LARP4B: variants seen among roughly 807,000 people sequenced by gnomAD.
LARP4B encodes the protein la-related protein 4B.
In LARP4B, 12 loss-of-function variants were observed where a neutral mutation model predicts 89.8. That is an observed-to-expected ratio of 0.13 (90% confidence interval 0.09 to 0.22). The LOEUF (loss-of-function observed/expected upper bound fraction) is 0.22, where lower values mean the gene tolerates loss of function less well. Among genes scored for constraint, LARP4B ranks in the 10% least tolerant of loss-of-function variants. LARP4B has a pLI of 1.00. For synonymous variants in LARP4B, 367 were observed against 363.3 expected (o/e 1.01, Z -0.12); for missense variants, 757 against 947.7 (o/e 0.80, Z 2.64).
Position 829,422 on chromosome 10 carries a change from G to T in LARP4B, c.1088C>A (p.Thr363Lys). 1.2e-6 allele frequency: 2 copies of T among 1,613,472 alleles called. No individual in the cohort carries two copies. Among genetic ancestry groups the T allele is most frequent in the Non-Finnish European group, 1.7e-6 (2 of 1,179,686 alleles). The change falls in exon 11 of 18, where the codon ACG (threonine) becomes AAG (lysine). Residue 363 changes from threonine to lysine, a missense_variant. Around this residue, in one of 5 missense-constraint regions of LARP4B, gnomAD observed 137 missense variants for 213.9 expected, o/e 0.64. Transcript: ENST00000316157. Reference protein sequence around the residue: ...FPLYSLITPQTWSATHSYLDP... With the variant: ...FPLYSLITPQKWSATHSYLDP... ...AAGATAGCTGTGCGTTGCTGACCAC[G>T]TCTGGGGAGTGATCAGGCTGTACAG...
intron 5 of LARP4B, among the ~76,000 whole-genome samples, chr10:851,176 CTAACTT>C: frequency 6.7e-6 from 1 of 148,956 alleles, no homozygotes. Flanking sequence ...AATGAAAACA[CTAACTT>C]TTTTTTTTTT....
chr10:893,710 T>C (rs562123099), intron 1 of LARP4B, among the ~76,000 whole-genome samples: 2 of 152,272 alleles, frequency 1.3e-5, no homozygotes, highest in Admixed American at 6.5e-5. Context: ...CATCTTACCA[T>C]GAAGCAGGAA....
intron 3 of LARP4B, among the ~76,000 whole-genome samples, chr10:864,477 T>G (rs920230642): frequency 2.7e-5 from 4 of 150,374 alleles, no homozygotes; most frequent in Non-Finnish European, 5.9e-5. Flanking sequence ...AAGTTTTAAG[T>G]TCCTCCTCCC....
At chr10:938,710 A>T in the LARP4B span, among the ~76,000 whole-genome samples, 2 of 152,220 alleles carry the variant, frequency 1.3e-5, no homozygotes, top group Non-Finnish European at 2.9e-5. Context: ...GTCTGTATGT[A>T]TATGTCTATA....
intron 13 of LARP4B, among the ~76,000 whole-genome samples, chr10:821,861 A>T (rs1396814258): frequency 6.6e-6 from 1 of 152,194 alleles, no homozygotes; most frequent in Non-Finnish European, 1.5e-5. Context: ...CTGGCTTTCT[A>T]CTGGTGCCTT....
intron 15 of LARP4B, 139 bp downstream of exon 15, chr10:817,586 G>T (rs533378866): frequency 1.3e-5 from 10 of 790,272 alleles, no homozygotes; most frequent in Admixed American, 2.3e-5. Flanking sequence ...AAATCTGTGT[G>T]ACCTCTGCAA....
chr10:932,339 C>T (rs1830661730), upstream of LARP4B, among the ~76,000 whole-genome samples: 1 of 149,334 alleles, frequency 6.7e-6, no homozygotes, highest in Non-Finnish European at 1.5e-5. Flanking sequence ...GGCCCCGGCC[C>T]TGCCCCGAAC....
chr10:916,410 T>C (rs1001093905), intron 1 of LARP4B, among the ~76,000 whole-genome samples: 1 of 152,170 alleles, frequency 6.6e-6, no homozygotes, highest in African/African-American at 2.4e-5. Flanking sequence ...AGAGACAAGG[T>C]CTTGGCTGGG....
intron 3 of LARP4B, among the ~76,000 whole-genome samples, chr10:881,405 C>G (rs562459163): frequency 2.0e-5 from 3 of 152,294 alleles, no homozygotes; most frequent in African/African-American, 7.2e-5. Context: ...AATACTCTTG[C>G]TAAGGTCACA....
upstream of LARP4B, among the ~76,000 whole-genome samples, chr10:935,961 C>T (rs2132086040): frequency 6.6e-6 from 1 of 151,084 alleles, no homozygotes; most frequent in Middle Eastern, 3.4e-3. Flanking sequence ...TCAGGCTGGT[C>T]TCGAACTCCT....
upstream of LARP4B, among the ~76,000 whole-genome samples, chr10:935,523 A>G (rs1830737597): frequency 2.6e-5 from 4 of 152,148 alleles, 1 homozygote; most frequent in Admixed American, 2.6e-4. Flanking sequence ...GTTGAGCTAC[A>G]TCACATCATA....
At chr10:920,275 C>A (rs1423110479) in intron 1 of LARP4B, among the ~76,000 whole-genome samples, 2 of 152,202 alleles carry the variant, frequency 1.3e-5, no homozygotes, top group Non-Finnish European at 2.9e-5. Context: ...AATTTTACCT[C>A]ATGGGCTTCA....
At chr10:898,328 C>T (rs1208743296) in intron 1 of LARP4B, among the ~76,000 whole-genome samples, 3 of 152,182 alleles carry the variant, frequency 2.0e-5, no homozygotes, top group African/African-American at 7.2e-5. Flanking sequence ...AGCAGTCTGG[C>T]AGTTTCTCAA....
intron 5 of LARP4B, 97 bp from the exon 6 acceptor site, chr10:845,152 G>A: frequency 1.3e-6 from 1 of 781,708 alleles, no homozygotes; most frequent in South Asian, 1.8e-5. Flanking sequence ...CTTACGTTCT[G>A]ACACAACTAC....
At chr10:958,190 G>A in the LARP4B span, among the ~76,000 whole-genome samples, 385 of 152,270 alleles carry the variant, frequency 2.5e-3, 4 homozygotes, top group African/African-American at 8.8e-3. Flanking sequence ...GGTGCTCCCC[G>A]CAGCCCTTGG....
the LARP4B span, among the ~76,000 whole-genome samples, chr10:953,599 G>A: frequency 0.049 from 1,846 of 37,380 alleles, 73 homozygotes; most frequent in African/African-American, 0.093. Flanking sequence ...TGCATAACAG[G>A]CAACCTTTAA....
intron 8 of LARP4B, among the ~76,000 whole-genome samples, chr10:831,888 T>C (rs1431526813): frequency 6.6e-6 from 1 of 151,938 alleles, no homozygotes; most frequent in South Asian, 2.1e-4. Flanking sequence ...AAATAGAAAA[T>C]ATGACCTATA....
chr10:910,676 T>G (rs1208595727), intron 1 of LARP4B, among the ~76,000 whole-genome samples: 2 of 152,212 alleles, frequency 1.3e-5, no homozygotes, highest in Non-Finnish European at 2.9e-5. Context: ...GCCAGGATTT[T>G]GGGTCAAGGT....
chr10:813,159 G>T lies in LARP4B; in HGVS notation c.1984C>A (p.Pro662Thr). ...TTTTGGGGTTGCAATGGGGAAGAAG[G>T]AGGCTCTTTACTCGTTCTCTGACAA... ...EICQRTSKEP[P>T]SSPLQPQKEQ... The change falls in exon 18 of 18, where the codon CCT (proline) becomes ACT (threonine). Residue 662 changes from proline to threonine, a missense_variant. By Grantham distance (38) the Pro-to-Thr change is conservative. Around this residue, in one of 5 missense-constraint regions of LARP4B, gnomAD observed 387 missense variants for 423.6 expected, o/e 0.91. Coordinates refer to ENST00000316157, the MANE Select transcript of LARP4B (RefSeq NM_015155.3). 1 of 1,613,908 alleles carries T rather than the reference G, an allele frequency of 6.2e-7. No homozygotes were observed. The highest frequency in any genetic ancestry group is 8.5e-7 in the Non-Finnish European group (1 of 1,179,974).
Sources: gnomAD v4.1 joint callset for allele counts (sites outside exome capture counted in the v4.1 genomes callset) on GRCh38, gnomAD v4.1.1 for gene constraint, gnomAD v4.1.1 regional missense constraint, MANE v1.5 for transcripts, NCBI Gene and HGNC (gene_info 2026-07-23, HGNC 2026-07-21) for gene names.